Variants in SAXO1 observed in about 807,000 individuals in gnomAD.
The protein encoded by SAXO1 is stabilizer of axonemal microtubules 1, also known as 4930500O09Rik.
Under a neutral mutation model 17.5 loss-of-function variants are expected in SAXO1, and 21 were observed. The ratio of observed to expected loss-of-function variants is 1.20; its 90% CI spans 0.85 to 1.72. The LOEUF is 1.72. Ranked by LOEUF, SAXO1 falls within the 40% of genes most tolerant of loss-of-function variation. SAXO1 has a pLI of 0.00. For missense variants in SAXO1, 843 were observed against 596.0 expected (o/e 1.41, Z -4.32); for synonymous variants, 274 against 216.5 (o/e 1.27, Z -2.33).
intron 1 of SAXO1, among the ~76,000 whole-genome samples, chr9:18,975,825 G>T (rs927425034): frequency 2.6e-5 from 4 of 152,188 alleles, no homozygotes; most frequent in African/African-American, 9.7e-5. Flanking sequence ...AGCAGAAGCT[G>T]AAAGTTGTGC....
chr9:18,961,702 G>A (rs1018734419), intron 1 of SAXO1, among the ~76,000 whole-genome samples: 1 of 152,198 alleles, frequency 6.6e-6, no homozygotes, highest in Non-Finnish European at 1.5e-5. Context: ...ATTCCATGGT[G>A]TATATGTGCC....
At chr9:19,038,967 A>C (rs1043462646) in intron 1 of SAXO1, among the ~76,000 whole-genome samples, 2 of 152,126 alleles carry the variant, frequency 1.3e-5, no homozygotes, top group East Asian at 3.8e-4. Context: ...TTGTAAAATT[A>C]ATACTCAGTG....
chr9:19,011,999 CCA>C (rs1834758249), intron 1 of SAXO1, among the ~76,000 whole-genome samples: 1 of 152,052 alleles, frequency 6.6e-6, no homozygotes, highest in Non-Finnish European at 1.5e-5. Context: ...GCGCAGGTCA[CCA>C]TGCCCGGCCA....
chr9:19,010,046 C>T (rs1452853550), intron 1 of SAXO1, among the ~76,000 whole-genome samples: 1 of 152,038 alleles, frequency 6.6e-6, no homozygotes, highest in Non-Finnish European at 1.5e-5. Context: ...TCAGGCTGAT[C>T]TCGAACTTCT....
At chr9:18,972,021 T>C (rs1427571635) in intron 1 of SAXO1, among the ~76,000 whole-genome samples, 1 of 152,040 alleles carries the variant, frequency 6.6e-6, no homozygotes, top group East Asian at 1.9e-4. Context: ...GCTGGAAAAA[T>C]TGTACTTTTG....
chr9:18,964,058 T>C (rs912384233), intron 1 of SAXO1, among the ~76,000 whole-genome samples: 1 of 152,322 alleles, frequency 6.6e-6, no homozygotes, highest in East Asian at 1.9e-4. Flanking sequence ...GTTCTGTGTA[T>C]GTGATGGATT....
At chr9:18,998,914 T>G (rs754453181) in intron 1 of SAXO1, among the ~76,000 whole-genome samples, 1 of 152,194 alleles carries the variant, frequency 6.6e-6, no homozygotes, top group Admixed American at 6.5e-5. Flanking sequence ...CTGAGAGATT[T>G]TGTCACCACC....
chr9:19,012,105 A>G lies in SAXO1; in HGVS notation c.38+20766T>C, dbSNP rs569152709. Among the ~76,000 whole-genome samples the G allele has an allele frequency of 3.3e-3, 503 of 152,206 alleles. 1 individual carries two copies. Among genetic ancestry groups the G allele is most frequent in the African/African-American group, 0.012 (479 of 41,540 alleles). On this transcript the variant is annotated intron_variant, in intron 1 of 3. Transcript: ENST00000380534. ...ATGATCCGCCCACCTTGGCCTCCCA[A>G]AGTGCTGGAATTACAGGCGTGAGCC... is the stretch of plus-strand genomic sequence containing the variant.
At chr9:18,975,574 C>G (rs1232185034) in intron 1 of SAXO1, among the ~76,000 whole-genome samples, 1 of 152,104 alleles carries the variant, frequency 6.6e-6, no homozygotes. Context: ...AAAGCTAGAC[C>G]CTGATATCAG....
chr9:18,939,176 C>T lies in SAXO1; in HGVS notation c.421+2461G>A, dbSNP rs73427245. Among the ~76,000 whole-genome samples, 1,004 of 152,274 alleles carry T rather than the reference C, an allele frequency of 6.6e-3. 13 individuals carry two copies. Among genetic ancestry groups the T allele is most frequent in the African/African-American group, 0.023 (955 of 41,548 alleles). ...TATTCCCTCCACCCATCGTGGAAAG[C>T]GCTTACTGCAGTTTCATTCCTCTAT... On this transcript the variant is annotated intron_variant, in intron 3 of 3. Transcript: ENST00000380534.
intron 1 of SAXO1, among the ~76,000 whole-genome samples, chr9:18,961,988 G>A (rs147085662): frequency 1.1e-3 from 165 of 152,224 alleles, no homozygotes; most frequent in African/African-American, 3.9e-3. Flanking sequence ...CTCTGCATCT[G>A]TTGTTTCCTG....
chr9:18,983,641 G>C (rs1469531289), intron 1 of SAXO1, among the ~76,000 whole-genome samples: 1 of 152,172 alleles, frequency 6.6e-6, no homozygotes, highest in East Asian at 1.9e-4. Context: ...TATGTCTTCA[G>C]GGTCCACTTC....
intron 1 of SAXO1, among the ~76,000 whole-genome samples, chr9:19,030,976 G>A (rs1010577723): frequency 6.6e-6 from 1 of 152,240 alleles, no homozygotes; most frequent in Non-Finnish European, 1.5e-5. Flanking sequence ...AATACAGGAT[G>A]AGGAGAGAAG....
intron 1 of SAXO1, among the ~76,000 whole-genome samples, chr9:18,993,413 C>T (rs567228916): frequency 4.6e-5 from 7 of 152,214 alleles, no homozygotes; most frequent in East Asian, 1.9e-4. Flanking sequence ...GCCAGCACTG[C>T]GCTAATCCTG....
chr9:19,031,347 G>T (rs1436707866), intron 1 of SAXO1, among the ~76,000 whole-genome samples: 1 of 152,194 alleles, frequency 6.6e-6, no homozygotes, highest in Non-Finnish European at 1.5e-5. Context: ...GATCACCTGA[G>T]ATCAGGAGTT....
Position 18,928,536 on chromosome 9 carries a change from G to C in SAXO1, c.941C>G (p.Pro314Arg), listed in dbSNP as rs767223332. The change falls in exon 4 of 4, where the codon CCT becomes CGT. Residue 314 changes from proline (P) to arginine (R), a missense_variant. Transcript: ENST00000380534. ...GCAGGACTGAGCTGGGGCACCCTTA[G>C]GGCATGTGTAATGGGCCTGCACTGT... ...LTTVQAHYTCPKGAPAQSCRP... is the reference protein window; with the variant it reads ...LTTVQAHYTCRKGAPAQSCRP... 7.4e-6 allele frequency: 12 copies of C among 1,613,944 alleles called. No homozygotes were observed. In the Admixed American group the frequency reaches 1.8e-4, roughly 25 times the overall value.
Position 18,986,630 on chromosome 9 carries a change from G to A in SAXO1, c.39-35693C>T, listed in dbSNP as rs117042473. Among the ~76,000 whole-genome samples the A allele has an allele frequency of 8.7e-4, 133 of 152,158 alleles. 1 individual carries two copies. The East Asian group carries it at 0.015, about 17-fold the overall frequency. ...AAGGAGAAAAAAAAAAGGGGGGGCGGTTCCTCATCATCGTGTCTACAAAGA... is the reference window on the plus strand; with the variant it reads ...AAGGAGAAAAAAAAAAGGGGGGGCGATTCCTCATCATCGTGTCTACAAAGA... On this transcript the variant is annotated intron_variant, in intron 1 of 3. Transcript: ENST00000380534.
chr9:18,977,862 G>A (rs1028605747), intron 1 of SAXO1, among the ~76,000 whole-genome samples: 2 of 151,900 alleles, frequency 1.3e-5, no homozygotes, highest in African/African-American at 2.4e-5. Flanking sequence ...TGGCATGATG[G>A]AGCGTGCCTG....
intron 1 of SAXO1, among the ~76,000 whole-genome samples, chr9:18,984,044 A>T (rs1461797404): frequency 6.6e-6 from 1 of 151,854 alleles, no homozygotes. Flanking sequence ...TCATCTCCTT[A>T]TACATCTCCA....
Sources: allele counts gnomAD v4.1 joint callset (sites outside exome capture counted in the v4.1 genomes callset), GRCh38; gene constraint gnomAD v4.1.1; transcripts MANE v1.5; gene names NCBI Gene and HGNC (gene_info 2026-07-23, HGNC 2026-07-21).